Variants in CSMD2 observed in about 807,000 individuals in gnomAD.
The protein encoded by CSMD2 is CUB and sushi domain-containing protein 2.
Under a neutral mutation model 398.5 loss-of-function variants are expected in CSMD2, and 130 were observed. The ratio of observed to expected loss-of-function variants is 0.33; its 90% confidence interval spans 0.28 to 0.38. CSMD2 has a LOEUF of 0.38. CSMD2 is among the 10% of genes least tolerant of loss of function. CSMD2 has a pLI of 1.00. For synonymous variants in CSMD2, 1,828 were observed against 1,908.5 expected, an observed-to-expected ratio of 0.96 and a Z score of 1.10; for missense variants, 3,829 against 4,764.9, an observed-to-expected ratio of 0.80 and a Z score of 5.78.
chr1:33,723,178 C>T lies in CSMD2; in HGVS notation c.3001+1019G>A, dbSNP rs140591446. 5.9e-3 allele frequency among the ~76,000 whole-genome samples: 906 copies of T among 152,308 alleles called. 10 individuals are homozygous for T. Among genetic ancestry groups the T allele is most frequent in the African/African-American group, 0.02 (828 of 41,554 alleles). On this transcript the variant is annotated intron_variant, in intron 19 of 70. Coordinates refer to ENST00000373381, the MANE Select transcript of CSMD2 (RefSeq NM_001281956.2). Reference sequence around the variant, plus strand: ...TAGCCCATAACAACATTTTAATATCCGGAAGGATTAATCTTCCTTTAAAAT... The same window carrying T: ...TAGCCCATAACAACATTTTAATATCTGGAAGGATTAATCTTCCTTTAAAAT...
chr1:33,596,907 G>A (rs772734271), intron 44 of CSMD2, among the ~76,000 whole-genome samples: 18 of 152,126 alleles, frequency 1.2e-4, no homozygotes, highest in South Asian at 4.1e-4. Context: ...TTTAGCTTTC[G>A]TTTTATTTAT....
chr1:34,038,914 G>C (rs3125609), intron 2 of CSMD2, among the ~76,000 whole-genome samples: 149,832 of 152,332 alleles, frequency 0.98, 73,749 homozygotes, highest in Middle Eastern at 1. Context: ...TCGTACACCT[G>C]TGGTTTCAGT....
intron 7 of CSMD2, 114 bp downstream of exon 7, chr1:33,825,583 A>T: frequency 1.1e-6 from 1 of 923,202 alleles, no homozygotes; most frequent in Non-Finnish European, 1.7e-6. Flanking sequence ...GGATGGAGGA[A>T]GCAGGGTTGA....
intron 2 of CSMD2, among the ~76,000 whole-genome samples, chr1:34,065,479 G>A (rs1479973847): frequency 2.0e-5 from 3 of 152,110 alleles, no homozygotes; most frequent in African/African-American, 7.2e-5. Context: ...ATGTCTACAA[G>A]GGTACCACCA....
chr1:33,848,963 C>T (rs1376107159), intron 5 of CSMD2, among the ~76,000 whole-genome samples: 1 of 152,052 alleles, frequency 6.6e-6, no homozygotes, highest in Non-Finnish European at 1.5e-5. Context: ...GGGGAGGGTG[C>T]TGAGGTCTCA....
rs940964729 is a variant in CSMD2, at chr1:33,516,075, C to T, written c.*549G>A. ...CGCTGACCGGGTTTCTGCACTCTGACCGCATGATGGGATGTGTCCTACTGT... is the reference window on the plus strand; with the variant it reads ...CGCTGACCGGGTTTCTGCACTCTGATCGCATGATGGGATGTGTCCTACTGT... On this transcript the variant is annotated 3_prime_UTR_variant, in exon 71 of 71. Coordinates refer to ENST00000373381, the MANE Select transcript of CSMD2 (RefSeq NM_001281956.2). The T allele has an allele frequency of 6.6e-5, 10 of 152,202 alleles. No individual in the cohort carries two copies. The highest frequency in any genetic ancestry group is 2.4e-4 in the African/African-American group (10 of 41,436). 9.4% of individuals were successfully genotyped at this position (152,202 alleles called of 1,614,324 possible).
At chr1:33,685,701 A>G (rs1415372344) in intron 25 of CSMD2, among the ~76,000 whole-genome samples, 2 of 152,082 alleles carry the variant, frequency 1.3e-5, no homozygotes, top group African/African-American at 4.8e-5. Context: ...TCTTACCCCT[A>G]GCTGGAAAGA....
At chr1:34,014,194 T>C (rs541317984) in intron 3 of CSMD2, among the ~76,000 whole-genome samples, 6 of 152,186 alleles carry the variant, frequency 3.9e-5, no homozygotes, top group Non-Finnish European at 5.9e-5. Context: ...CTCACCTGCA[T>C]TGCTGCATTA....
intron 40 of CSMD2, among the ~76,000 whole-genome samples, chr1:33,613,142 C>A (rs976354641): frequency 6.6e-6 from 1 of 152,206 alleles, no homozygotes; most frequent in Non-Finnish European, 1.5e-5. Flanking sequence ...TCGGCAGAAT[C>A]CAACATTAAC....
chr1:34,164,878 C>T lies in CSMD2; in HGVS notation c.187+33G>A, dbSNP rs2148596664. On this transcript the variant is annotated intron_variant, in intron 1 of 70. Coordinates refer to ENST00000373381, the MANE Select transcript of CSMD2 (RefSeq NM_001281956.2). This position sits in a 1 kb window ranked among gnomAD's most constrained non-coding sequence, Gnocchi z 6.2. ...CTCGGGGCTCGGGTGGGGCGCGCGG[C>T]GGCCGCTGGCTCCTCGGCGCGGCTG... The T allele has an allele frequency of 8.2e-7, 1 of 1,217,172 alleles. No homozygotes were observed. The highest frequency in any genetic ancestry group is 4.3e-5 in the Admixed American group (1 of 23,154). The allele number at this position is 1,217,172 out of a possible 1,614,324, so 75.4% of individuals were successfully genotyped here.
At chr1:33,530,324 C>A (rs1447178110) in intron 64 of CSMD2, among the ~76,000 whole-genome samples, 1 of 152,062 alleles carries the variant, frequency 6.6e-6, no homozygotes, top group African/African-American at 2.4e-5. Context: ...ATACAAATGG[C>A]CAACAGGTAT....
intron 2 of CSMD2, among the ~76,000 whole-genome samples, chr1:34,051,116 A>T (rs986068904): frequency 6.6e-6 from 1 of 152,234 alleles, no homozygotes; most frequent in East Asian, 1.9e-4. Flanking sequence ...GGAGGTAAGG[A>T]AGATTATGTC....
chr1:33,960,240 G>C (rs1024688281), intron 3 of CSMD2, among the ~76,000 whole-genome samples: 1 of 152,118 alleles, frequency 6.6e-6, no homozygotes, highest in African/African-American at 2.4e-5. Context: ...CACCCCCATG[G>C]GATGGGTCTC....
At chr1:33,816,955 TG>T (rs1376951564) in intron 9 of CSMD2, among the ~76,000 whole-genome samples, 2 of 152,228 alleles carry the variant, frequency 1.3e-5, no homozygotes, top group African/African-American at 4.8e-5. Flanking sequence ...ACCATTATTA[TG>T]GTAAAATCCT....
At chr1:34,136,567 G>A (rs528059985) in intron 1 of CSMD2, among the ~76,000 whole-genome samples, 6 of 152,218 alleles carry the variant, frequency 3.9e-5, no homozygotes, top group South Asian at 2.1e-4. Flanking sequence ...TTTCATTAAC[G>A]GCACTTGTTA....
At chr1:33,879,885 A>G (rs1304775588) in intron 5 of CSMD2, among the ~76,000 whole-genome samples, 1 of 152,222 alleles carries the variant, frequency 6.6e-6, no homozygotes, top group East Asian at 1.9e-4. Flanking sequence ...AATTTAGCAT[A>G]GCGCATCACA....
At chr1:34,100,996 A>C (rs181457838) in intron 1 of CSMD2, among the ~76,000 whole-genome samples, 2 of 152,342 alleles carry the variant, frequency 1.3e-5, no homozygotes, top group East Asian at 3.9e-4. Context: ...AACCTCCCTG[A>C]AACCAATGTA....
At chr1:34,040,241 T>C (rs1458603125) in intron 2 of CSMD2, among the ~76,000 whole-genome samples, 1 of 152,082 alleles carries the variant, frequency 6.6e-6, no homozygotes, top group Non-Finnish European at 1.5e-5. Context: ...AGTTGTGCTC[T>C]ACCCAATTGG....
chr1:34,045,038 T>TACACACACAC (rs10588687), intron 2 of CSMD2, among the ~76,000 whole-genome samples: 54 of 142,718 alleles, frequency 3.8e-4, no homozygotes, highest in Non-Finnish European at 6.1e-4. Flanking sequence ...TCACACACCA[T>TACACACACAC]ACACACACAC....
Sources: gnomAD v4.1 joint callset for allele counts (sites outside exome capture counted in the v4.1 genomes callset) on GRCh38, gnomAD v4.1.1 for gene constraint, Gnocchi (gnomAD v3.1) non-coding constraint, MANE v1.5 for transcripts, NCBI Gene and HGNC (gene_info 2026-07-23, HGNC 2026-07-21) for gene names.